Variants in TLK1 observed in about 807,000 individuals in gnomAD.
TLK1 encodes tousled like kinase 1, also known as serine/threonine-protein kinase tousled-like 1.
TLK1 carries 24 observed loss-of-function variants against 105.3 expected under a neutral mutation model. The ratio of observed to expected loss-of-function variants is 0.23; its 90% CI spans 0.17 to 0.32. The LOEUF is 0.32. Among genes scored for constraint, TLK1 ranks in the 10% least tolerant of loss-of-function variants. The pLI is 1.00. For synonymous variants in TLK1, 321 were observed against 310.4 expected, an observed-to-expected ratio of 1.03 and a Z score of -0.36; for missense variants, 558 against 910.5, an observed-to-expected ratio of 0.61 and a Z score of 4.98.
chr2:171,142,147 A>T lies in TLK1; in HGVS notation c.139+18143T>A, dbSNP rs147658643. Among the ~76,000 whole-genome samples the T allele has an allele frequency of 4.8e-3, 728 of 151,916 alleles. 5 individuals are homozygous for T. The highest frequency in any genetic ancestry group is 0.016 in the African/African-American group (675 of 41,500). On this transcript the variant is annotated intron_variant, in intron 1 of 20. Transcript: ENST00000431350. ...TAGGATAAATATTAAAAACAAATTT[A>T]AAAAAAGATGGTCTAACTATTAAGC...
chr2:171,120,181 A>G (rs374836634), intron 1 of TLK1, among the ~76,000 whole-genome samples: 1 of 150,596 alleles, frequency 6.6e-6, no homozygotes, highest in African/African-American at 2.5e-5. Flanking sequence ...CCCAGGAGGC[A>G]AAGGCTGCAG....
chr2:171,026,286 T>C (rs973532705), intron 12 of TLK1, among the ~76,000 whole-genome samples: 4 of 152,150 alleles, frequency 2.6e-5, no homozygotes, highest in Non-Finnish European at 4.4e-5. Context: ...CAAATGTCTA[T>C]ATAATATTTG....
intron 12 of TLK1, among the ~76,000 whole-genome samples, chr2:171,015,588 A>G (rs1254732655): frequency 2.0e-5 from 3 of 152,074 alleles, no homozygotes; most frequent in Non-Finnish European, 4.4e-5. Context: ...ATCAATATAA[A>G]TATTTTGATA....
At chr2:171,060,038 C>G in intron 4 of TLK1, 1 of 1,605,606 alleles carries the variant, frequency 6.2e-7, no homozygotes, top group Non-Finnish European at 8.5e-7. Context: ...CAAGTTTACT[C>G]CAAAGGAAGG....
intron 1 of TLK1, among the ~76,000 whole-genome samples, chr2:171,226,266 A>C (rs1464422128): frequency 6.6e-6 from 1 of 152,218 alleles, no homozygotes; most frequent in Non-Finnish European, 1.5e-5. Context: ...ACAAATAGAC[A>C]TTTTAATATA....
At chr2:171,073,639 CT>C in intron 3 of TLK1, among the ~76,000 whole-genome samples, 1 of 152,208 alleles carries the variant, frequency 6.6e-6, no homozygotes, top group Middle Eastern at 3.4e-3. Flanking sequence ...GACTCACTTC[CT>C]TTGCTATGAA....
intron 1 of TLK1, among the ~76,000 whole-genome samples, chr2:171,219,836 A>G (rs1693775668): frequency 6.6e-6 from 1 of 152,118 alleles, no homozygotes; most frequent in African/African-American, 2.4e-5. Context: ...CCTGACCTCA[A>G]GTGATCTGCC....
chr2:171,011,366 A>G lies in TLK1; in HGVS notation c.1416+7T>C, dbSNP rs1413210782. 5.6e-6 allele frequency: 9 copies of G among 1,598,668 alleles called. No homozygotes were observed. Among genetic ancestry groups the G allele is most frequent in the Non-Finnish European group, 6.8e-6 (8 of 1,172,238 alleles). On this transcript the variant is annotated splice_region_variant and intron_variant, in intron 14 of 20. Coordinates refer to ENST00000431350, the MANE Select transcript of TLK1 (RefSeq NM_012290.5). ...GTGTAAAAAAAACAGAATAAAACAT[A>G]CATTACCTTATACACTTCACTAAAG...
In TLK1 at chr2:171,082,954, T is replaced by C. The variant is rs560629656; in HGVS notation, c.259-102A>G. ...TTACAAAGTAGATAATCTATCTTCA[T>C]AAATAAATAAAGTATAATTCCTTAA... On this transcript the variant is annotated intron_variant, in intron 2 of 20. Transcript: ENST00000431350. 1.3e-3 allele frequency: 1,027 copies of C among 776,084 alleles called. 10 individuals are homozygous for C. Among genetic ancestry groups the C allele is most frequent in the South Asian group, 9.9e-3 (569 of 57,486 alleles). The allele number at this position is 776,084 out of a possible 1,614,324, so 48.1% of individuals were successfully genotyped here.
At chr2:171,062,484 C>A (rs1687801849) in intron 3 of TLK1, among the ~76,000 whole-genome samples, 1 of 152,122 alleles carries the variant, frequency 6.6e-6, no homozygotes, top group South Asian at 2.1e-4. Context: ...CTCCATTTTG[C>A]CAACAAGATA....
intron 1 of TLK1, among the ~76,000 whole-genome samples, chr2:171,178,953 T>G (rs1325816792): frequency 6.6e-6 from 1 of 152,204 alleles, no homozygotes; most frequent in Non-Finnish European, 1.5e-5. Context: ...GCATTTTTGG[T>G]GCTATAATTT....
chr2:171,216,279 A>G (rs1422305681), intron 1 of TLK1, among the ~76,000 whole-genome samples: 1 of 152,116 alleles, frequency 6.6e-6, no homozygotes, highest in Non-Finnish European at 1.5e-5. Flanking sequence ...GATTGAGACC[A>G]TCCTGGCTAA....
Position 171,201,855 on chromosome 2 carries a change from C to T in TLK1, c.-6+29290G>A, listed in dbSNP as rs116662740. ...AACCTCAGCTCTGTGGGTCTAGACA[C>T]CACTATGACTATGAACTTAGCCTAA... is the stretch of plus-strand genomic sequence containing the variant. On this transcript the variant is annotated intron_variant, in intron 1 of 20. Transcript: ENST00000521943. Among the ~76,000 whole-genome samples, 394 of 152,290 alleles carry T rather than the reference C, an allele frequency of 2.6e-3. 2 individuals are homozygous for T. Among genetic ancestry groups the T allele is most frequent in the African/African-American group, 8.8e-3 (367 of 41,540 alleles).
intron 1 of TLK1, among the ~76,000 whole-genome samples, chr2:171,188,637 G>A (rs572261856): frequency 6.6e-6 from 1 of 151,290 alleles, no homozygotes; most frequent in South Asian, 2.1e-4. Flanking sequence ...ACCTGGGGAG[G>A]CAGAGGTTGC....
At chr2:171,225,232 T>C (rs1372924738) in intron 1 of TLK1, among the ~76,000 whole-genome samples, 1 of 152,184 alleles carries the variant, frequency 6.6e-6, no homozygotes, top group Admixed American at 6.6e-5. Flanking sequence ...TTGCAAATCA[T>C]ATGTATAATA....
chr2:171,069,723 A>G (rs1017448734), intron 3 of TLK1, among the ~76,000 whole-genome samples: 1 of 152,236 alleles, frequency 6.6e-6, no homozygotes, highest in African/African-American at 2.4e-5. Context: ...CTGAGTTTAC[A>G]GTGAAAATTA....
intron 1 of TLK1, among the ~76,000 whole-genome samples, chr2:171,224,811 A>G (rs1310847552): frequency 6.6e-6 from 1 of 152,212 alleles, no homozygotes; most frequent in African/African-American, 2.4e-5. Context: ...ACTCACTATA[A>G]AGCTATAGCA....
At chr2:171,159,971 G>A in intron 1 of TLK1, 1 of 268,448 alleles carries the variant, frequency 3.7e-6, no homozygotes, top group Non-Finnish European at 6.9e-6. Context: ...GCAGAAAGGG[G>A]CTCGCGTCTG....
chr2:171,085,307 T>C (rs1407268077), intron 2 of TLK1, among the ~76,000 whole-genome samples: 1 of 151,900 alleles, frequency 6.6e-6, no homozygotes, highest in East Asian at 1.9e-4. Flanking sequence ...GGAGAATCAC[T>C]TGAATCTGGG....
Sources: gnomAD v4.1 joint callset for allele counts (sites outside exome capture counted in the v4.1 genomes callset) on GRCh38, gnomAD v4.1.1 for gene constraint, MANE v1.5 for transcripts, NCBI Gene and HGNC (gene_info 2026-07-23, HGNC 2026-07-21) for gene names.